SNAPC3: variants seen among roughly 807,000 people sequenced by gnomAD.
The protein encoded by SNAPC3 is small nuclear RNA activating complex polypeptide 3.
A neutral mutation model predicts 47.7 loss-of-function variants in SNAPC3; 56 were observed. That is an observed-to-expected ratio of 1.18 (90% CI 0.95 to 1.47). SNAPC3 has a LOEUF of 1.47. Among genes scored for constraint, SNAPC3 ranks in the 40% most tolerant of loss-of-function variants. The pLI is 0.00. For synonymous variants in SNAPC3, 235 were observed against 189.9 expected (o/e 1.24, Z -1.95); for missense variants, 665 against 511.3 (o/e 1.30, Z -2.90).
intron 8 of SNAPC3, among the ~76,000 whole-genome samples, chr9:15,458,316 G>A (rs1275988208): frequency 6.6e-6 from 1 of 152,066 alleles, no homozygotes; most frequent in Non-Finnish European, 1.5e-5. Flanking sequence ...ATACAGCTAG[G>A]TGAATAAAAA....
intron 3 of SNAPC3, 71 bp from the exon 4 acceptor site, chr9:15,444,531 A>G (rs1256709020): frequency 2.2e-6 from 2 of 920,544 alleles, no homozygotes; most frequent in Non-Finnish European, 3.5e-6. Context: ...CCTTGCTGAT[A>G]GCCATTGTAC....
chr9:15,457,504 A>T (rs2034883507), intron 7 of SNAPC3, among the ~76,000 whole-genome samples: 1 of 152,172 alleles, frequency 6.6e-6, no homozygotes, highest in Admixed American at 6.5e-5. Context: ...CTGAGGTGGG[A>T]GGACTGCTTG....
chr9:15,449,584 T>G (rs1454855666), intron 5 of SNAPC3, among the ~76,000 whole-genome samples: 1 of 118,518 alleles, frequency 8.4e-6, no homozygotes, highest in Admixed American at 8.8e-5. Flanking sequence ...TTTTTTTTTT[T>G]TTTGAGACAG....
In SNAPC3 at chr9:15,453,212, G is replaced by A. The variant is rs778483914; in HGVS notation, c.980+7G>A. ...TTGTCATTACTGACATAAGGTAGGT[G>A]ACAGCACTTAAGACATTTTGTTACC... On this transcript the variant is annotated splice_region_variant and intron_variant, in intron 7 of 8. Transcript: ENST00000380821. The A allele has an allele frequency of 2.5e-6, 4 of 1,598,076 alleles. No individual in the cohort carries two copies. The Admixed American group carries it at 6.9e-5, about 28-fold the overall frequency.
At chr9:15,436,842 A>C (rs1440832220) in intron 3 of SNAPC3, among the ~76,000 whole-genome samples, 7 of 40,836 alleles carry the variant, frequency 1.7e-4, no homozygotes, top group Non-Finnish European at 2.9e-4. Context: ...TTTTTTTTTG[A>C]GACGAAGTTT....
At chr9:15,425,657 C>T (rs1015973058) in intron 2 of SNAPC3, among the ~76,000 whole-genome samples, 1 of 152,218 alleles carries the variant, frequency 6.6e-6, no homozygotes, top group Non-Finnish European at 1.5e-5. Context: ...AGTCCAAACT[C>T]CCATCTGTGT....
At chr9:15,441,769 A>C (rs1245821003) in intron 3 of SNAPC3, among the ~76,000 whole-genome samples, 2 of 152,206 alleles carry the variant, frequency 1.3e-5, no homozygotes, top group Non-Finnish European at 2.9e-5. Context: ...GTACAGAACA[A>C]AATGGAATCT....
intron 2 of SNAPC3, among the ~76,000 whole-genome samples, chr9:15,424,550 A>G (rs1053777375): frequency 5.3e-5 from 8 of 152,232 alleles, no homozygotes; most frequent in African/African-American, 1.4e-4. Context: ...CAAACACAAT[A>G]TAAGTTCAAA....
downstream of SNAPC3, chr9:15,465,616 G>A: frequency 6.7e-7 from 1 of 1,488,856 alleles, no homozygotes; most frequent in Non-Finnish European, 9.2e-7. Flanking sequence ...CTGGAATTAG[G>A]ATTTTCTCCT....
chr9:15,440,745 T>C (rs1007194736), intron 3 of SNAPC3, among the ~76,000 whole-genome samples: 26 of 152,006 alleles, frequency 1.7e-4, no homozygotes, highest in African/African-American at 6.3e-4. Context: ...GTCAAGAGAT[T>C]GAGACCATCC....
At position 15,461,199 on chromosome 9, in the gene SNAPC3, A is replaced by G. The variant is rs2035191472; in HGVS notation, c.*1333A>G. On this transcript the variant is annotated 3_prime_UTR_variant, in exon 9 of 9. Coordinates refer to ENST00000380821, the MANE Select transcript of SNAPC3 (RefSeq NM_001039697.2). ...TTTTGACATAGGGTCTTACTGTGTC[A>G]CCCAGGCTGGAGTACAGTGGCGTGA... The G allele has an allele frequency of 6.6e-6, 1 of 151,762 alleles. No homozygotes were observed. Among genetic ancestry groups the G allele is most frequent in the Non-Finnish European group, 1.5e-5 (1 of 67,988 alleles). The allele number at this position is 151,762 out of a possible 1,614,324, so 9.4% of individuals were successfully genotyped here. A position where few individuals can be genotyped will look rare whatever the true frequency, so the allele number is the denominator to read the frequency against.
chr9:15,423,410 G>A (rs1351064799), intron 1 of SNAPC3, among the ~76,000 whole-genome samples: 1 of 152,196 alleles, frequency 6.6e-6, no homozygotes, highest in Non-Finnish European at 1.5e-5. Flanking sequence ...GGAGCAAAGG[G>A]ACAAGACAGC....
chr9:15,435,537 C>G (rs1445379475), intron 3 of SNAPC3, among the ~76,000 whole-genome samples: 2 of 151,948 alleles, frequency 1.3e-5, no homozygotes, highest in Non-Finnish European at 2.9e-5. Context: ...CATGCCACTG[C>G]ACTCCAGCCT....
intron 5 of SNAPC3, 85 bp from the exon 6 acceptor site, chr9:15,451,230 TTATGA>T (rs554241067): frequency 8.2e-6 from 4 of 490,566 alleles, no homozygotes; most frequent in Middle Eastern, 5.3e-4. Context: ...TAGTGTGATT[TTATGA>T]TATATCTATT....
intron 3 of SNAPC3, among the ~76,000 whole-genome samples, chr9:15,437,483 T>A (rs1025096035): frequency 2.0e-5 from 3 of 152,168 alleles, no homozygotes; most frequent in Non-Finnish European, 4.4e-5. Context: ...TCCACCCACC[T>A]TGGCCTCTCA....
At chr9:15,451,456 A>G in intron 6 of SNAPC3, 54 bp downstream of exon 6, 1 of 790,716 alleles carries the variant, frequency 1.3e-6, no homozygotes, top group Non-Finnish European at 2.1e-6. Context: ...TTATCAAAGT[A>G]GTGTTATCTC....
Position 15,447,216 on chromosome 9 carries a change from C to G in SNAPC3, c.704C>G (p.Pro235Arg). ...LQIGGEFSNT[P>R]DQAPEHISKD... is the part of the protein sequence containing the mutation. ...ATTGGTGGTGAATTCAGCAACACTCCTGACCAAGCCCCTGAGCACATCAGC... is the reference window on the plus strand; with the variant it reads ...ATTGGTGGTGAATTCAGCAACACTCGTGACCAAGCCCCTGAGCACATCAGC... The change falls in exon 5 of 9, where the codon CCT (proline) becomes CGT (arginine). Residue 235 changes from proline (P) to arginine (R), a missense_variant. Physicochemically the swap from Pro to Arg is moderately radical, Grantham distance 103. Transcript: ENST00000380821. 1.9e-6 allele frequency: 3 copies of G among 1,614,126 alleles called. No individual in the cohort carries two copies. Among genetic ancestry groups the G allele is most frequent in the Non-Finnish European group, 2.5e-6 (3 of 1,179,964 alleles).
At chr9:15,456,319 C>T (rs528590862) in intron 7 of SNAPC3, among the ~76,000 whole-genome samples, 87 of 152,004 alleles carry the variant, frequency 5.7e-4, no homozygotes, top group Non-Finnish European at 9.9e-4. Context: ...CTTTTCCGTA[C>T]ATTTCTTATA....
rs780949047 is a variant in SNAPC3, at chr9:15,453,117, T to A, written c.892T>A (p.Phe298Ile). Residue 298 changes from phenylalanine (F) to isoleucine (I), a missense_variant, in exon 7 of 9, where the codon TTC becomes ATC. Phe to Ile is a conservative substitution (Grantham distance 21, BLOSUM62 0). Transcript: ENST00000380821. Reference protein sequence around the residue: ...FQTARMEDFTFNDLCIKLGFP... With the variant: ...FQTARMEDFTINDLCIKLGFP... ...GACTGCTAGAATGGAAGATTTCACCTTCAATGACTTGTGTATTAAACTGGG... is the reference window on the plus strand; with the variant it reads ...GACTGCTAGAATGGAAGATTTCACCATCAATGACTTGTGTATTAAACTGGG... 5.0e-6 allele frequency: 8 copies of A among 1,612,782 alleles called. No homozygotes were observed. Among genetic ancestry groups the A allele is most frequent in the Non-Finnish European group, 6.8e-6 (8 of 1,178,758 alleles).
Sources: allele counts gnomAD v4.1 joint callset (sites outside exome capture counted in the v4.1 genomes callset), GRCh38; gene constraint gnomAD v4.1.1; transcripts MANE v1.5; gene names NCBI Gene and HGNC (gene_info 2026-07-23, HGNC 2026-07-21).